CNTN2: variants seen among roughly 807,000 people sequenced by gnomAD.
CNTN2 encodes the protein contactin 2.
A neutral mutation model predicts 117.5 loss-of-function variants in CNTN2; 53 were observed. The ratio of observed to expected loss-of-function variants is 0.45; its 90% CI spans 0.36 to 0.57. The LOEUF is 0.57. Among genes scored for constraint, CNTN2 ranks in the 20% least tolerant of loss-of-function variants. The probability of loss-of-function intolerance (pLI) is 0.00; values close to 1 mark genes in which losing one functional copy is unlikely to be tolerated. For missense variants in CNTN2, 1,106 were observed against 1,404.3 expected, an observed-to-expected ratio of 0.79 and a Z score of 3.39; for synonymous variants, 530 against 561.7, an observed-to-expected ratio of 0.94 and a Z score of 0.80.
intron 1 of CNTN2, 53 bp downstream of exon 1, chr1:205,043,447 G>A (rs2096435453): frequency 2.6e-5 from 4 of 152,450 alleles, no homozygotes; most frequent in Admixed American, 6.5e-5. Flanking sequence ...CCTGCGTGCT[G>A]TTATGGGCCG....
chr1:205,064,258 G>A (rs540079177), intron 10 of CNTN2, 64 bp from the exon 11 acceptor site: 17 of 1,501,190 alleles, frequency 1.1e-5, no homozygotes, highest in African/African-American at 4.2e-5. Flanking sequence ...CAAAGGGCAC[G>A]CCAAGTAACG....
chr1:205,050,072 G>A (rs1368030410), intron 1 of CNTN2, among the ~76,000 whole-genome samples: 1 of 152,152 alleles, frequency 6.6e-6, no homozygotes, highest in African/African-American at 2.4e-5. Context: ...GAAAACTGAG[G>A]CTTCACAAGG....
rs762080946 is a variant in CNTN2, at chr1:205,059,205, C to T, written c.609C>T (p.Gly203=). 5.0e-5 allele frequency: 81 copies of T among 1,614,112 alleles called. 1 individual carries two copies. In the Admixed American group the frequency reaches 1.3e-3, roughly 26 times the overall value. ...YIARTNASDL[G]NYSCLATSHM... ...CCCGAACCAATGCCTCAGACCTGGG[C>T]AACTACTCCTGTTTGGCCACCAGCC... Residue 203 remains glycine, a synonymous_variant, in exon 6 of 23, where the codon GGC becomes GGT. Transcript: ENST00000331830. This position sits in a 1 kb window ranked among gnomAD's most constrained non-coding sequence, Gnocchi z 5.6.
At chr1:205,069,166 T>C (rs936509590) in intron 16 of CNTN2, 10 of 305,706 alleles carry the variant, frequency 3.3e-5, no homozygotes, top group African/African-American at 2.1e-4. Flanking sequence ...CATCATCTGC[T>C]CTATACTAAC....
chr1:205,062,238 C>T (rs532157416), intron 9 of CNTN2: 15 of 838,282 alleles, frequency 1.8e-5, no homozygotes, highest in Non-Finnish European at 2.5e-5. Context: ...CTGACTGGGT[C>T]ACCTCACCCT....
Position 205,065,320 on chromosome 1 carries a change from C to A in CNTN2, c.1695+58C>A. The A allele has an allele frequency of 1.3e-6, 2 of 1,582,384 alleles. No homozygotes were observed. On this transcript the variant is annotated intron_variant, in intron 13 of 22. Transcript: ENST00000331830. The surrounding 1 kb of genome is among the most constrained non-coding windows in gnomAD (Gnocchi z 4.1). ...CCCTCCTTCTAGAGAGACAGGGGCC[C>A]CAAGATGTCCTTAGCCATCCTCACC...
chr1:205,047,703 T>C (rs2096444083), intron 1 of CNTN2, among the ~76,000 whole-genome samples: 1 of 152,070 alleles, frequency 6.6e-6, no homozygotes, highest in Non-Finnish European at 1.5e-5. Context: ...CCTAAATACA[T>C]ATGAGTGCCG....
intron 1 of CNTN2, among the ~76,000 whole-genome samples, chr1:205,049,893 C>A (rs767085177): frequency 6.6e-5 from 10 of 152,180 alleles, no homozygotes; most frequent in Non-Finnish European, 1.3e-4. Flanking sequence ...GAGAAGGAGT[C>A]TGGAGCCCCA....
rs2151192108 is a variant in CNTN2, at chr1:205,061,560, T to C, written c.973+140T>C. 1.9e-6 allele frequency: 2 copies of C among 1,051,834 alleles called. No homozygotes were observed. Among genetic ancestry groups the C allele is most frequent in the East Asian group, 5.3e-5 (2 of 37,664 alleles). 65.2% of individuals were successfully genotyped at this position (1,051,834 alleles called of 1,614,324 possible). Reference sequence around the variant, plus strand: ...GAGCCTGCTTGCCCTAGGACTGCACTGAGTCTGGGACCAGAGGAGGCTAGT... The same window carrying C: ...GAGCCTGCTTGCCCTAGGACTGCACCGAGTCTGGGACCAGAGGAGGCTAGT... On this transcript the variant is annotated intron_variant, in intron 8 of 22. Coordinates refer to ENST00000331830, the MANE Select transcript of CNTN2 (RefSeq NM_005076.5). The surrounding 1 kb of genome is among the most constrained non-coding windows in gnomAD (Gnocchi z 4.8).
intron 2 of CNTN2, chr1:205,057,366 C>G (rs1476901256): frequency 6.6e-6 from 1 of 152,348 alleles, no homozygotes; most frequent in Non-Finnish European, 1.5e-5. Context: ...ATGTTTGTGG[C>G]TGGCGACGTC....
Position 205,059,163 on chromosome 1 carries a change from A to G in CNTN2, c.567A>G (p.Thr189=). 1 of 1,614,196 alleles carries G rather than the reference A, an allele frequency of 6.2e-7. No homozygotes were observed. Among genetic ancestry groups the G allele is most frequent in the South Asian group, 1.1e-5 (1 of 91,080 alleles). ...TDGRHFVSQT[T]GNLYIARTNA... is the part of the protein sequence containing the mutation. ...GGCGTCACTTCGTGTCCCAGACCAC[A>G]GGGAACCTGTACATTGCCCGAACCA... Residue 189 remains threonine (T), a synonymous_variant, in exon 6 of 23, where the codon ACA becomes ACG. Transcript: ENST00000331830. The surrounding 1 kb of genome is among the most constrained non-coding windows in gnomAD (Gnocchi z 5.6).
rs2096447219 is a variant in CNTN2 at position 205,048,993 on chromosome 1, A to G, written c.-86-4107A>G. ...AGGCTGTGGCACACAATGGAGCTCA[A>G]TATACATCTGATCAGGCTGATGGGT... On this transcript the variant is annotated intron_variant, in intron 1 of 22. Coordinates refer to ENST00000331830, the MANE Select transcript of CNTN2 (RefSeq NM_005076.5). This position sits in a 1 kb window ranked among gnomAD's most constrained non-coding sequence, Gnocchi z 4.1. Among the ~76,000 whole-genome samples the G allele has an allele frequency of 6.6e-6, 1 of 150,432 alleles. No homozygotes were observed. Among genetic ancestry groups the G allele is most frequent in the African/African-American group, 2.4e-5 (1 of 40,836 alleles).
chr1:205,065,801 G>T lies in CNTN2; in HGVS notation c.1708G>T (p.Gly570Trp), dbSNP rs1654255048. ...YRRTNVKETI[G>W]DLTILNAQLR... Reference sequence around the variant, plus strand: ...TCCCCGTGTGCAGAAGGAGACCATTGGGGATCTGACCATCCTGAACGCCCA... The same window carrying T: ...TCCCCGTGTGCAGAAGGAGACCATTTGGGATCTGACCATCCTGAACGCCCA... Residue 570 changes from glycine to tryptophan, a missense_variant, in exon 14 of 23, where the codon GGG (glycine) becomes TGG (tryptophan). Gly to Trp is a radical substitution (Grantham distance 184, BLOSUM62 -2). Coordinates refer to ENST00000331830, the MANE Select transcript of CNTN2 (RefSeq NM_005076.5). The surrounding 1 kb of genome is among the most constrained non-coding windows in gnomAD (Gnocchi z 4.1). 3 of 1,480,256 alleles carry T rather than the reference G, an allele frequency of 2.0e-6. No individual in the cohort carries two copies. Among genetic ancestry groups the T allele is most frequent in the Non-Finnish European group, 2.8e-6 (3 of 1,084,532 alleles). 91.7% of individuals were successfully genotyped at this position (1,480,256 alleles called of 1,614,324 possible). A position where few individuals can be genotyped will look rare whatever the true frequency, so the allele number is the denominator to read the frequency against.
In CNTN2 at chr1:205,065,638, CCCA is replaced by C; in HGVS notation, c.1696-150_1696-148del. The C allele has an allele frequency of 5.3e-6, 5 of 938,062 alleles. No homozygotes were observed. The South Asian group carries it at 8.0e-5, about 15-fold the overall frequency. The allele number at this position is 938,062 out of a possible 1,614,324, so 58.1% of individuals were successfully genotyped here. On this transcript the variant is annotated intron_variant, in intron 13 of 22. Coordinates refer to ENST00000331830, the MANE Select transcript of CNTN2 (RefSeq NM_005076.5). This position sits in a 1 kb window ranked among gnomAD's most constrained non-coding sequence, Gnocchi z 4.1. ...TTCTAAGTGATGAGTCGTGATTCCT[CCCA>C]TTGAGCAGACAGGAAAACTGAGATC... is the stretch of plus-strand genomic sequence containing the variant.
intron 1 of CNTN2, among the ~76,000 whole-genome samples, 164 bp from the exon 2 acceptor site, chr1:205,052,936 T>G (rs1244477376): frequency 6.6e-6 from 1 of 152,176 alleles, no homozygotes; most frequent in East Asian, 1.9e-4. Context: ...AAGAGCTTCT[T>G]GGTAATAGCC....
chr1:205,073,548 G>A lies in CNTN2; in HGVS notation c.3014-108G>A. The A allele has an allele frequency of 9.9e-7, 1 of 1,008,540 alleles. No homozygotes were observed. The highest frequency in any genetic ancestry group is 2.0e-5 in the Admixed American group (1 of 49,004). 62.5% of individuals were successfully genotyped at this position (1,008,540 alleles called of 1,614,324 possible). On this transcript the variant is annotated intron_variant, in intron 22 of 22. Coordinates refer to ENST00000331830, the MANE Select transcript of CNTN2 (RefSeq NM_005076.5). The surrounding 1 kb of genome is among the most constrained non-coding windows in gnomAD (Gnocchi z 6.3). ...AAGACCACCCAGCCGTCCGCTCCCA[G>A]GCCTGCAGCTGGCCCTGTGAGTCTC...
chr1:205,058,538 A>G lies in CNTN2; in HGVS notation c.392-30A>G, dbSNP rs1407413987. 2 of 1,605,516 alleles carry G rather than the reference A, an allele frequency of 1.2e-6. No homozygotes were observed. The highest frequency in any genetic ancestry group is 1.7e-6 in the Non-Finnish European group (2 of 1,173,094). ...GGAGGGGCTCGCAGGCCAGGAGGAC[A>G]GTGCCTGAGCCCCTGGTCTCTGCCT... On this transcript the variant is annotated intron_variant, in intron 4 of 22. Transcript: ENST00000331830. The surrounding 1 kb of genome is among the most constrained non-coding windows in gnomAD (Gnocchi z 4.3).
chr1:205,059,610 A>G lies in CNTN2; in HGVS notation c.725A>G (p.Lys242Arg), dbSNP rs1217588354. The G allele has an allele frequency of 6.2e-7, 1 of 1,614,156 alleles. No individual in the cohort carries two copies. Among genetic ancestry groups the G allele is most frequent in the East Asian group, 2.2e-5 (1 of 44,864 alleles). The part of the protein sequence containing the change: ...EDTRLFAPSI[K>R]ARFPAETYAL... ...ACCCGGCTCTTTGCACCCAGCATCA[A>G]GGCCCGGTTCCCAGCAGAGACCTAT... is the stretch of plus-strand genomic sequence containing the variant. Residue 242 changes from lysine to arginine, a missense_variant, in exon 7 of 23, where the codon AAG becomes AGG. Physicochemically the swap from Lys to Arg is conservative, Grantham distance 26. Transcript: ENST00000331830. The surrounding 1 kb of genome is among the most constrained non-coding windows in gnomAD (Gnocchi z 5.6).
chr1:205,053,895 G>C lies in CNTN2; in HGVS notation c.70+640G>C, dbSNP rs9786928. ...AAGAGATGCGGCAGACGAGGGAGCT[G>C]AGGTTCTCCTCCCAGGGGAGCTTCC... On this transcript the variant is annotated intron_variant, in intron 2 of 22. Coordinates refer to ENST00000331830, the MANE Select transcript of CNTN2 (RefSeq NM_005076.5). 6.9e-4 allele frequency among the ~76,000 whole-genome samples: 101 copies of C among 147,076 alleles called. 3 individuals carry two copies. The East Asian group carries it at 0.018, about 26-fold the overall frequency.
Sources: allele counts gnomAD v4.1 joint callset (sites outside exome capture counted in the v4.1 genomes callset), GRCh38; gene constraint gnomAD v4.1.1; non-coding constraint Gnocchi (gnomAD v3.1); transcripts MANE v1.5; gene names NCBI Gene and HGNC (gene_info 2026-07-23, HGNC 2026-07-21).